Variants in BNC2 observed in about 807,000 individuals in gnomAD.
The protein encoded by BNC2 is zinc finger protein basonuclin-2.
A neutral mutation model predicts 76.3 loss-of-function variants in BNC2; 20 were observed. That is an observed-to-expected ratio of 0.26 (90% CI 0.18 to 0.38). The LOEUF (loss-of-function observed/expected upper bound fraction) is 0.38, where lower values mean the gene tolerates loss of function less well. Among genes scored for constraint, BNC2 ranks in the 10% least tolerant of loss-of-function variants. The pLI, the probability that BNC2 is intolerant of heterozygous loss-of-function variation, is 1.00. For synonymous variants in BNC2, 582 were observed against 514.8 expected, an observed-to-expected ratio of 1.13 and a Z score of -1.77; for missense variants, 1,382 against 1,399.8, an observed-to-expected ratio of 0.99 and a Z score of 0.20.
chr9:16,830,589 C>T (rs1166394193), intron 1 of BNC2, among the ~76,000 whole-genome samples: 2 of 152,064 alleles, frequency 1.3e-5, no homozygotes, highest in South Asian at 2.1e-4. Flanking sequence ...AATCTGCGGG[C>T]GCAGAAACCA....
chr9:16,639,072 G>C (rs886590119), intron 3 of BNC2, among the ~76,000 whole-genome samples: 2 of 152,032 alleles, frequency 1.3e-5, no homozygotes, highest in African/African-American at 4.8e-5. Flanking sequence ...TGTGTAATAG[G>C]CTATTTTCCC....
At chr9:16,791,197 G>T (rs1051588858) in intron 1 of BNC2, among the ~76,000 whole-genome samples, 1 of 152,004 alleles carries the variant, frequency 6.6e-6, no homozygotes, top group East Asian at 1.9e-4. Flanking sequence ...GAGTAGCTGG[G>T]ACTACAGGCA....
chr9:16,833,022 C>A (rs370580443), intron 1 of BNC2, among the ~76,000 whole-genome samples: 54 of 150,684 alleles, frequency 3.6e-4, no homozygotes, highest in African/African-American at 1.1e-3. Context: ...CCCCGCCCTA[C>A]CCAAATTCCT....
chr9:16,711,362 C>T (rs1442644934), intron 3 of BNC2, among the ~76,000 whole-genome samples: 1 of 152,128 alleles, frequency 6.6e-6, no homozygotes, highest in East Asian at 1.9e-4. Flanking sequence ...TTCTTCCATT[C>T]CTCGCTAGTT....
chr9:16,517,797 T>C (rs1011151617), intron 5 of BNC2, among the ~76,000 whole-genome samples: 7 of 152,116 alleles, frequency 4.6e-5, no homozygotes, highest in African/African-American at 1.7e-4. Flanking sequence ...CATGTAACCA[T>C]ATACATTTTT....
intron 3 of BNC2, among the ~76,000 whole-genome samples, chr9:16,647,225 T>C (rs1821656323): frequency 6.6e-6 from 1 of 152,118 alleles, no homozygotes; most frequent in Non-Finnish European, 1.5e-5. Flanking sequence ...CCACTCTTTG[T>C]TGCAACTTGC....
intron 1 of BNC2, among the ~76,000 whole-genome samples, chr9:16,826,243 T>A (rs1818451972): frequency 1.7e-5 from 2 of 118,524 alleles, no homozygotes; most frequent in African/African-American, 6.5e-5. Flanking sequence ...TCTTCCCCCA[T>A]AACCCAGAGA....
intron 1 of BNC2, among the ~76,000 whole-genome samples, chr9:16,870,080 C>T (rs549047628): frequency 5.3e-5 from 8 of 152,292 alleles, no homozygotes; most frequent in Admixed American, 2.6e-4. Flanking sequence ...CTCCATTTAC[C>T]ACGGGAAGAT....
intron 1 of BNC2, among the ~76,000 whole-genome samples, chr9:16,823,504 G>C (rs1818387231): frequency 6.6e-6 from 1 of 151,672 alleles, no homozygotes; most frequent in Non-Finnish European, 1.5e-5. Context: ...CTGAGAGGCT[G>C]AGATAGGAGG....
chr9:16,771,608 G>C (rs755259118), intron 1 of BNC2, among the ~76,000 whole-genome samples: 2 of 152,138 alleles, frequency 1.3e-5, no homozygotes, highest in Non-Finnish European at 2.9e-5. Flanking sequence ...GATTTTAAAA[G>C]CCCACCAACA....
At chr9:16,772,927 A>G (rs745973429) in intron 1 of BNC2, among the ~76,000 whole-genome samples, 3 of 152,228 alleles carry the variant, frequency 2.0e-5, no homozygotes, top group Admixed American at 6.5e-5. Flanking sequence ...GCAAGATACA[A>G]TATTAGAAAA....
chr9:16,620,395 G>A (rs1036358131), intron 3 of BNC2, among the ~76,000 whole-genome samples: 7 of 152,264 alleles, frequency 4.6e-5, no homozygotes, highest in Admixed American at 1.3e-4. Context: ...AGCTTTTACT[G>A]GCAAAAGTGT....
intron 3 of BNC2, among the ~76,000 whole-genome samples, chr9:16,650,138 G>A (rs1226086295): frequency 7.2e-5 from 11 of 152,108 alleles, no homozygotes; most frequent in African/African-American, 1.2e-4. Context: ...CCCTGAATAC[G>A]GAATATTAAA....
chr9:16,456,812 G>C (rs1328510803), intron 5 of BNC2, among the ~76,000 whole-genome samples: 1 of 152,140 alleles, frequency 6.6e-6, no homozygotes, highest in African/African-American at 2.4e-5. Context: ...AAGTGGGACA[G>C]TGGTGGAATA....
intron 3 of BNC2, among the ~76,000 whole-genome samples, chr9:16,681,538 C>G (rs907380146): frequency 1.3e-5 from 2 of 152,116 alleles, no homozygotes; most frequent in Non-Finnish European, 2.9e-5. Flanking sequence ...AGGAAACTTT[C>G]TGGCTCTTGG....
chr9:16,680,849 G>C (rs1822801992), intron 3 of BNC2, among the ~76,000 whole-genome samples: 1 of 152,110 alleles, frequency 6.6e-6, no homozygotes, highest in South Asian at 2.1e-4. Flanking sequence ...CTGAAACTCA[G>C]TGTACTTTCT....
chr9:16,785,240 C>T (rs2135584152), intron 1 of BNC2, among the ~76,000 whole-genome samples: 1 of 152,316 alleles, frequency 6.6e-6, no homozygotes, highest in African/African-American at 2.4e-5. Flanking sequence ...AAGTATCCCA[C>T]TGGGCAGGTT....
chr9:16,661,231 T>C (rs573912578), intron 3 of BNC2, among the ~76,000 whole-genome samples: 113 of 152,170 alleles, frequency 7.4e-4, no homozygotes, highest in Non-Finnish European at 1.3e-3. Context: ...ATGGGTAATA[T>C]ACTCATCTTC....
At chr9:16,809,688 G>C (rs767108024) in intron 1 of BNC2, among the ~76,000 whole-genome samples, 1 of 152,014 alleles carries the variant, frequency 6.6e-6, no homozygotes, top group Non-Finnish European at 1.5e-5. Context: ...TGAGGCAGCA[G>C]GATTGCTTGA....
Sources: gnomAD v4.1 joint callset for allele counts (sites outside exome capture counted in the v4.1 genomes callset) on GRCh38, gnomAD v4.1.1 for gene constraint, MANE v1.5 for transcripts, NCBI Gene and HGNC (gene_info 2026-07-23, HGNC 2026-07-21) for gene names.